The following ANK2 variants were observed in gnomAD, a reference collection of about 807,000 sequenced individuals.
ANK2 encodes the protein ankyrin-2.
Under a neutral mutation model 360.5 loss-of-function variants are expected in ANK2, and 83 were observed. The observed-to-expected ratio is 0.23, with a 90% confidence interval of 0.19 to 0.28. The LOEUF is 0.28. Among genes scored for constraint, ANK2 ranks in the 10% least tolerant of loss-of-function variants. The pLI, the probability that ANK2 is intolerant of heterozygous loss-of-function variation, is 1.00. For synonymous variants in ANK2, 1,740 were observed against 1,759.5 expected (o/e 0.99, Z 0.28); for missense variants, 4,201 against 4,795.7 (o/e 0.88, Z 3.66).
chr4:112,777,598 T>TA, the ANK2 span, among the ~76,000 whole-genome samples: 3 of 147,968 alleles, frequency 2.0e-5, no homozygotes, highest in Admixed American at 6.8e-5. Context: ...AAAGTAGTTT[T>TA]AAAAAAATAC....
rs188155314 is a variant in ANK2 at position 112,836,248 on chromosome 4, G to A, written c.-40+17984G>A. ...CACTTCCTCGCTCTCTCTCCCTCCT[G>A]CCACCTTGTGAAGAAGGTGCCTTGC... On this transcript the variant is annotated intron_variant, in intron 1 of 30. Coordinates refer to the ANK2 transcript ENST00000503271. Among the ~76,000 whole-genome samples, 362 of 152,244 alleles carry A rather than the reference G, an allele frequency of 2.4e-3. 1 individual carries two copies. The highest frequency in any genetic ancestry group is 3.2e-3 in the Non-Finnish European group (219 of 68,010).
At chr4:113,254,302 C>T (rs1383335055) in intron 10 of ANK2, among the ~76,000 whole-genome samples, 2 of 152,170 alleles carry the variant, frequency 1.3e-5, no homozygotes, top group Admixed American at 6.5e-5. Flanking sequence ...ACGGGGGTTT[C>T]CTGTCTGTTG....
chr4:112,974,776 A>T (rs1196839890), intron 2 of ANK2, among the ~76,000 whole-genome samples: 1 of 152,174 alleles, frequency 6.6e-6, no homozygotes, highest in Non-Finnish European at 1.5e-5. Context: ...TTCTTCATAG[A>T]AATGTCTTCT....
chr4:112,741,477 G>A, the ANK2 span, among the ~76,000 whole-genome samples: 3 of 152,174 alleles, frequency 2.0e-5, no homozygotes, highest in African/African-American at 2.4e-5. Flanking sequence ...GGTCAGGATC[G>A]GTGGGCCCTC....
At chr4:113,240,844 A>G (rs1319946868) in intron 8 of ANK2, among the ~76,000 whole-genome samples, 1 of 152,222 alleles carries the variant, frequency 6.6e-6, no homozygotes, top group Non-Finnish European at 1.5e-5. Flanking sequence ...CAGTATGAAC[A>G]GTTATATTTA....
chr4:113,020,449 C>A (rs1334973833), intron 2 of ANK2, among the ~76,000 whole-genome samples: 1 of 152,140 alleles, frequency 6.6e-6, no homozygotes, highest in Non-Finnish European at 1.5e-5. Flanking sequence ...CCCCACTTTG[C>A]CTCCTCAAGT....
At position 113,112,759 on chromosome 4, in the gene ANK2, G is replaced by C. The variant is rs1039463861; in HGVS notation, c.85-61657G>C. On this transcript the variant is annotated intron_variant, in intron 1 of 45. Coordinates refer to ENST00000357077, the MANE Select transcript of ANK2 (RefSeq NM_001148.6). ...GAGAGGCATACACTTGGGGGGTCTTGAGACTGCTTCTACATCTCCTTCTCA... is the reference window on the plus strand; with the variant it reads ...GAGAGGCATACACTTGGGGGGTCTTCAGACTGCTTCTACATCTCCTTCTCA... Among the ~76,000 whole-genome samples, 20 of 152,256 alleles carry C rather than the reference G, an allele frequency of 1.3e-4. No homozygotes were observed. In the South Asian group the frequency reaches 4.1e-3, roughly 32 times the overall value.
intron 2 of ANK2, among the ~76,000 whole-genome samples, chr4:113,192,614 T>C (rs1191449508): frequency 1.3e-5 from 2 of 152,212 alleles, no homozygotes; most frequent in Non-Finnish European, 2.9e-5. Context: ...GCTCTTCCTC[T>C]TATAAGTGGT....
At position 113,343,118 on chromosome 4, in the gene ANK2, A is replaced by C; in HGVS notation, c.4224A>C (p.Glu1408Asp). The stretch of plus-strand genomic sequence containing the variant: ...TATTCAGTTTTTTTGCCTTCAAAGA[A>C]AATAGACTTCCTCTATTTGTCAAGG... ...HHIFSFFAFKENRLPLFVKVR... is the reference protein window; with the variant it reads ...HHIFSFFAFKDNRLPLFVKVR... The change falls in exon 34 of 46, where the codon GAA becomes GAC. Residue 1408 changes from glutamate to aspartate, a missense_variant. Glu to Asp is a conservative substitution (Grantham distance 45). This residue lies in a region of ANK2 where 1,268 missense variants were observed against 1,650.8 expected (regional missense o/e 0.77). Coordinates refer to ENST00000357077, the MANE Select transcript of ANK2 (RefSeq NM_001148.6). The C allele has an allele frequency of 1.2e-6, 2 of 1,613,810 alleles. No individual in the cohort carries two copies. The highest frequency in any genetic ancestry group is 1.7e-6 in the Non-Finnish European group (2 of 1,179,776).
At chr4:112,918,388 A>G (rs1053238465) in intron 2 of ANK2, among the ~76,000 whole-genome samples, 13 of 152,074 alleles carry the variant, frequency 8.5e-5, no homozygotes, top group Non-Finnish European at 1.6e-4. Context: ...GACATCAACA[A>G]GTTTTCATTT....
At chr4:113,361,541 T>G (rs2096227681) in intron 39 of ANK2, among the ~76,000 whole-genome samples, 1 of 151,878 alleles carries the variant, frequency 6.6e-6, no homozygotes, top group Admixed American at 6.6e-5. Flanking sequence ...TCTGGCTTTT[T>G]TTTTTTTTTT....
chr4:112,901,856 C>T (rs555096021), intron 1 of ANK2, among the ~76,000 whole-genome samples: 2 of 145,818 alleles, frequency 1.4e-5, no homozygotes, highest in East Asian at 4.2e-4. Context: ...CAGAGTGAGA[C>T]TCTGTCTCAA....
chr4:112,857,461 A>G (rs1387944319), intron 1 of ANK2, among the ~76,000 whole-genome samples: 1 of 152,154 alleles, frequency 6.6e-6, no homozygotes, highest in Non-Finnish European at 1.5e-5. Context: ...GGTGTTCATG[A>G]AGATTTCACA....
Position 113,199,037 on chromosome 4 carries a change from A to G in ANK2, c.312A>G (p.Ala104=), listed in dbSNP as rs140254310. The change falls in exon 4 of 46, where the codon GCA becomes GCG. Residue 104 remains alanine, a synonymous_variant. Coordinates refer to ENST00000357077, the MANE Select transcript of ANK2 (RefSeq NM_001148.6). ...TKKGNTALHI[A]SLAGQAEVVK... is the part of the protein sequence containing the mutation. ...AGGGAAATACCGCTCTTCACATTGC[A>G]TCTTTGGCTGGACAAGCAGAAGTTG... 21 of 1,613,294 alleles carry G rather than the reference A, an allele frequency of 1.3e-5. No homozygotes were observed. The highest frequency in any genetic ancestry group is 3.3e-4 in the Middle Eastern group (2 of 6,080).
upstream of ANK2, among the ~76,000 whole-genome samples, chr4:113,048,917 GACACACACACACACACACAC>G (rs55814667): frequency 7.9e-5 from 11 of 139,234 alleles, no homozygotes; most frequent in Non-Finnish European, 1.4e-4. Context: ...CCCCTACCCA[GACACACACACACACACACAC>G]ACACACACAC....
chr4:113,284,223 TG>T (rs2063512891), intron 18 of ANK2, among the ~76,000 whole-genome samples: 1 of 152,222 alleles, frequency 6.6e-6, no homozygotes, highest in South Asian at 2.1e-4. Flanking sequence ...TGGGCGTCCT[TG>T]TGACTGTTGA....
At chr4:112,801,094 C>T in the ANK2 span, among the ~76,000 whole-genome samples, 8 of 152,226 alleles carry the variant, frequency 5.3e-5, no homozygotes, top group African/African-American at 1.9e-4. Context: ...ATTACTGCTT[C>T]TGCCTTCTGT....
intron 26 of ANK2, among the ~76,000 whole-genome samples, chr4:113,323,291 TTTG>T (rs1054450151): frequency 8.5e-5 from 13 of 152,332 alleles, no homozygotes; most frequent in Middle Eastern, 3.4e-3. Context: ...TATGCTACTG[TTTG>T]TTGTTGATCT....
rs561099048 is a variant in ANK2, at chr4:112,820,973, G to C, written c.-40+2709G>C. 2.0e-5 allele frequency among the ~76,000 whole-genome samples: 3 copies of C among 152,060 alleles called. No homozygotes were observed. In the East Asian group the frequency reaches 5.8e-4, roughly 29 times the overall value. On this transcript the variant is annotated intron_variant, in intron 1 of 30. Coordinates refer to the ANK2 transcript ENST00000503271. ...GTTGCCCAGGCTGGAGTGCAATGGC[G>C]CGATCTTGGCTCACCGCAACCTCCG...
Sources: gnomAD v4.1 joint callset for allele counts (sites outside exome capture counted in the v4.1 genomes callset) on GRCh38, gnomAD v4.1.1 for gene constraint, gnomAD v4.1.1 regional missense constraint, MANE v1.5 for transcripts, NCBI Gene and HGNC (gene_info 2026-07-23, HGNC 2026-07-21) for gene names.